Variants in CREBBP observed in about 807,000 individuals in gnomAD.
CREBBP encodes CREB-binding protein.
CREBBP carries 19 observed loss-of-function variants against 265.0 expected under a neutral mutation model. The observed-to-expected ratio is 0.07, with a 90% CI of 0.05 to 0.11. The LOEUF is 0.11. Among genes scored for constraint, CREBBP ranks in the 10% least tolerant of loss-of-function variants. CREBBP has a pLI of 1.00. For missense variants in CREBBP, 2,525 were observed against 3,219.0 expected, an observed-to-expected ratio of 0.78 and a Z score of 5.22; for synonymous variants, 1,457 against 1,223.7, an observed-to-expected ratio of 1.19 and a Z score of -3.98.
At chr16:3,874,772 G>A (rs2141597017) in intron 1 of CREBBP, among the ~76,000 whole-genome samples, 1 of 152,296 alleles carries the variant, frequency 6.6e-6, no homozygotes, top group East Asian at 1.9e-4. Flanking sequence ...CAGCATCTGA[G>A]CACAAACCAT....
intron 1 of CREBBP, among the ~76,000 whole-genome samples, chr16:3,862,572 T>C (rs2055099392): frequency 2.0e-5 from 3 of 152,244 alleles, no homozygotes; most frequent in African/African-American, 4.8e-5. Context: ...GTGTTTTGTA[T>C]GATGAACGAT....
At chr16:3,837,469 A>C (rs1201289277) in intron 2 of CREBBP, among the ~76,000 whole-genome samples, 1 of 151,980 alleles carries the variant, frequency 6.6e-6, no homozygotes, top group African/African-American at 2.4e-5. Flanking sequence ...ACAGAAAATC[A>C]GGTGGGCGTG....
chr16:3,777,348 T>TA (rs922683113), intron 11 of CREBBP, among the ~76,000 whole-genome samples: 2 of 151,038 alleles, frequency 1.3e-5, no homozygotes, highest in African/African-American at 4.9e-5. Flanking sequence ...AAAATAAAAA[T>TA]AAAATAAAAT....
rs2051918861 is a variant in CREBBP at position 3,731,610 on chromosome 16, C to G, written c.4891-137G>C. On this transcript the variant is annotated intron_variant, in intron 29 of 30. Transcript: ENST00000262367. The surrounding 1 kb of genome is among the most constrained non-coding windows in gnomAD (Gnocchi z 7.7). Reference sequence around the variant, plus strand: ...ATGGCCCTGATGCCTTGGGATGGAACAAAATTGGTGACACGTTGCATGATG... The same window carrying G: ...ATGGCCCTGATGCCTTGGGATGGAAGAAAATTGGTGACACGTTGCATGATG... 1 of 1,416,560 alleles carries G rather than the reference C, an allele frequency of 7.1e-7. No individual in the cohort carries two copies. The highest frequency in any genetic ancestry group is 1.4e-5 in the African/African-American group (1 of 71,004). 87.7% of individuals were successfully genotyped at this position (1,416,560 alleles called of 1,614,324 possible).
chr16:3,826,651 T>C (rs374160987), intron 2 of CREBBP, among the ~76,000 whole-genome samples: 53 of 152,208 alleles, frequency 3.5e-4, no homozygotes, highest in African/African-American at 1.2e-3. Context: ...GGGCATCCTA[T>C]AATACACCTG....
chr16:3,758,151 A>G, intron 17 of CREBBP, 103 bp from the exon 18 acceptor site: 1 of 1,246,912 alleles, frequency 8.0e-7, no homozygotes. Flanking sequence ...AGAAAGCACC[A>G]AAATAACTTC....
chr16:3,744,237 G>A (rs1325541343), intron 23 of CREBBP, among the ~76,000 whole-genome samples: 3 of 152,148 alleles, frequency 2.0e-5, no homozygotes, highest in Non-Finnish European at 4.4e-5. Flanking sequence ...GGTTCCCAGA[G>A]GCCATGGCTC....
At position 3,763,691 on chromosome 16, in the gene CREBBP, T is replaced by C. The variant is rs549448257; in HGVS notation, c.3250+4029A>G. 3.5e-4 allele frequency among the ~76,000 whole-genome samples: 53 copies of C among 152,198 alleles called. 1 individual carries two copies. Among genetic ancestry groups the C allele is most frequent in the African/African-American group, 1.3e-3 (52 of 41,524 alleles). On this transcript the variant is annotated intron_variant, in intron 16 of 30. Transcript: ENST00000262367. ...GTTGGCCAGGCTGGTCTGGAACTCC[T>C]GACCTCAGGTGATCCACCCGCCTCA...
At chr16:3,854,669 T>C (rs2054922407) in intron 1 of CREBBP, among the ~76,000 whole-genome samples, 1 of 152,226 alleles carries the variant, frequency 6.6e-6, no homozygotes, top group Non-Finnish European at 1.5e-5. Context: ...CACTGAGAGC[T>C]GGCACAGGCA....
chr16:3,879,448 G>C (rs1448827183), intron 1 of CREBBP, among the ~76,000 whole-genome samples: 1 of 152,202 alleles, frequency 6.6e-6, no homozygotes, highest in African/African-American at 2.4e-5. Flanking sequence ...CTTTCTCTAA[G>C]CATCAAAGGT....
intron 3 of CREBBP, among the ~76,000 whole-genome samples, chr16:3,802,078 A>T (rs1259122682): frequency 2.0e-5 from 3 of 148,420 alleles, no homozygotes; most frequent in African/African-American, 7.5e-5. Flanking sequence ...ACTACCTTTA[A>T]AAGCAAACTC....
At chr16:3,740,616 G>C (rs1405837598) in intron 23 of CREBBP, 67 bp from the exon 24 acceptor site, 2 of 1,573,462 alleles carry the variant, frequency 1.3e-6, no homozygotes, top group African/African-American at 1.4e-5. Flanking sequence ...ACTGAGACTA[G>C]AGAATCCACC....
At chr16:3,789,920 A>G (rs1266811533) in intron 5 of CREBBP, among the ~76,000 whole-genome samples, 2 of 151,992 alleles carry the variant, frequency 1.3e-5, no homozygotes, top group Non-Finnish European at 2.9e-5. Flanking sequence ...TTTTTCTTTT[A>G]AAACAAAAAC....
At chr16:3,810,566 C>T (rs376532085) in intron 3 of CREBBP, 37 bp downstream of exon 3, 30 of 1,609,590 alleles carry the variant, frequency 1.9e-5, no homozygotes, top group African/African-American at 2.7e-5. Context: ...CAGCACCCAC[C>T]GGAGAGCCAT....
chr16:3,867,207 G>C (rs1377349412), intron 1 of CREBBP, among the ~76,000 whole-genome samples: 1 of 152,180 alleles, frequency 6.6e-6, no homozygotes, highest in Non-Finnish European at 1.5e-5. Context: ...TTCTGTGTGA[G>C]CTGGCTGCAT....
Position 3,725,594 on chromosome 16 carries a change from G to C in CREBBP, c.*2124C>G. 4.3e-6 allele frequency: 1 copy of C among 233,378 alleles called. No homozygotes were observed. Among genetic ancestry groups the C allele is most frequent in the Non-Finnish European group, 8.5e-6 (1 of 118,076 alleles). 14.5% of individuals were successfully genotyped at this position (233,378 alleles called of 1,614,324 possible). The stretch of plus-strand genomic sequence containing the variant: ...GCCCGGCCTGTGCTTCCCCTCCTGG[G>C]ATGGGGTGAATGGGGGCTGGTCAGG... On this transcript the variant is annotated 3_prime_UTR_variant, in exon 31 of 31. Coordinates refer to ENST00000262367, the MANE Select transcript of CREBBP (RefSeq NM_004380.3).
chr16:3,872,183 G>A lies in CREBBP; in HGVS notation c.85+7649C>T, dbSNP rs570633852. 9.1e-4 allele frequency among the ~76,000 whole-genome samples: 139 copies of A among 152,266 alleles called. 1 individual carries two copies. The highest frequency in any genetic ancestry group is 3.1e-3 in the African/African-American group (129 of 41,538). On this transcript the variant is annotated intron_variant, in intron 1 of 30. Coordinates refer to ENST00000262367, the MANE Select transcript of CREBBP (RefSeq NM_004380.3). ...AGAACCAGAAAACACCCTAAAGGCA[G>A]TATTTTAAATACAGCCACAGTCACC...
At chr16:3,732,626 T>C (rs1017792625) in intron 28 of CREBBP, among the ~76,000 whole-genome samples, 1 of 152,190 alleles carries the variant, frequency 6.6e-6, no homozygotes, top group African/African-American at 2.4e-5. Context: ...AGTGGTGTCA[T>C]CTTGGGTTCA....
At chr16:3,740,697 CT>C in intron 23 of CREBBP, 148 bp from the exon 24 acceptor site, 1 of 955,338 alleles carries the variant, frequency 1.0e-6, no homozygotes, top group South Asian at 1.4e-5. Flanking sequence ...CTAATCTGTC[CT>C]GTGACACGAG....
Sources: gnomAD v4.1 joint callset for allele counts (sites outside exome capture counted in the v4.1 genomes callset) on GRCh38, gnomAD v4.1.1 for gene constraint, Gnocchi (gnomAD v3.1) non-coding constraint, MANE v1.5 for transcripts, NCBI Gene and HGNC (gene_info 2026-07-23, HGNC 2026-07-21) for gene names.